Variants in HS6ST3 observed in about 807,000 individuals in gnomAD.
HS6ST3 encodes heparan sulfate 6-O-sulfotransferase 3, also known as heparan-sulfate 6-O-sulfotransferase 3.
In HS6ST3, 12 loss-of-function variants were observed where a neutral mutation model predicts 36.7. The ratio of observed to expected loss-of-function variants is 0.33; its 90% CI spans 0.21 to 0.53. HS6ST3 has a LOEUF of 0.53. Ranked by LOEUF, HS6ST3 falls within the 20% of genes least tolerant of loss-of-function variation. HS6ST3 has a pLI of 0.95. For missense variants in HS6ST3, 584 were observed against 640.9 expected, an observed-to-expected ratio of 0.91 and a Z score of 0.96; for synonymous variants, 240 against 257.5, an observed-to-expected ratio of 0.93 and a Z score of 0.65.
chr13:96,198,177 G>A (rs1342377902), intron 1 of HS6ST3, among the ~76,000 whole-genome samples: 1 of 152,206 alleles, frequency 6.6e-6, no homozygotes, highest in Non-Finnish European at 1.5e-5. Flanking sequence ...TTTCAGCATG[G>A]CTGGAACGGC....
chr13:96,604,752 A>C (rs2056432723), intron 1 of HS6ST3, among the ~76,000 whole-genome samples: 1 of 152,214 alleles, frequency 6.6e-6, no homozygotes, highest in South Asian at 2.1e-4. Context: ...CATTTAAATA[A>C]AAATTTCATT....
chr13:96,776,136 A>G (rs1168224629), intron 1 of HS6ST3, among the ~76,000 whole-genome samples: 1 of 152,218 alleles, frequency 6.6e-6, no homozygotes, highest in Non-Finnish European at 1.5e-5. Flanking sequence ...AGTTCTTTGA[A>G]ACCAACGAGA....
intron 1 of HS6ST3, among the ~76,000 whole-genome samples, chr13:96,229,943 A>G (rs781305857): frequency 3.3e-5 from 5 of 152,218 alleles, no homozygotes; most frequent in Non-Finnish European, 4.4e-5. Context: ...TCAAAAGACA[A>G]GTAAGAAGTA....
At chr13:96,276,969 G>T (rs1490932697) in intron 1 of HS6ST3, among the ~76,000 whole-genome samples, 2 of 152,236 alleles carry the variant, frequency 1.3e-5, no homozygotes, top group African/African-American at 2.4e-5. Context: ...GCTCTTGTTG[G>T]ATAAATACTG....
intron 1 of HS6ST3, among the ~76,000 whole-genome samples, chr13:96,635,761 C>T (rs767747568): frequency 6.6e-6 from 1 of 152,260 alleles, no homozygotes; most frequent in Non-Finnish European, 1.5e-5. Context: ...TGCTAGACCC[C>T]TTGCTACATG....
rs1491169616 is a variant in HS6ST3, at chr13:96,600,359, CAT to C, written c.708-232117_708-232116del. On this transcript the variant is annotated intron_variant, in intron 1 of 1. Coordinates refer to ENST00000376705, the MANE Select transcript of HS6ST3 (RefSeq NM_153456.4). ...ACACACACACACACACACACACACA[CAT>C]ATATATATATATAGGATTGCTATAT... 5.7e-3 allele frequency among the ~76,000 whole-genome samples: 690 copies of C among 120,286 alleles called. 4 individuals carry two copies. Among genetic ancestry groups the C allele is most frequent in the African/African-American group, 0.012 (422 of 34,532 alleles). The allele number at this position is 120,286 out of a possible 152,430, so 78.9% of individuals were successfully genotyped here.
At chr13:96,200,246 A>G (rs574685342) in intron 1 of HS6ST3, among the ~76,000 whole-genome samples, 329 of 152,314 alleles carry the variant, frequency 2.2e-3, no homozygotes, top group Non-Finnish European at 3.9e-3. Context: ...CACTCACAGT[A>G]AAATCTCATA....
chr13:96,514,678 A>G (rs562493104), intron 1 of HS6ST3, among the ~76,000 whole-genome samples: 126 of 152,180 alleles, frequency 8.3e-4, no homozygotes, highest in Non-Finnish European at 1.1e-3. Flanking sequence ...TGGACTTCCA[A>G]CCTCCAGAAC....
chr13:96,689,803 C>CAAGAAAGAGAATTTT (rs71117607), intron 1 of HS6ST3, among the ~76,000 whole-genome samples: 2 of 151,646 alleles, frequency 1.3e-5, no homozygotes, highest in African/African-American at 4.8e-5. Flanking sequence ...GGATGTTTGT[C>CAAGAAAGAGAATTTT]AACTTCGGAG....
intron 1 of HS6ST3, among the ~76,000 whole-genome samples, chr13:96,271,823 C>T (rs1318535100): frequency 6.6e-6 from 1 of 151,930 alleles, no homozygotes; most frequent in Non-Finnish European, 1.5e-5. Flanking sequence ...CACATGGACA[C>T]CTCTCATTGG....
chr13:96,511,507 C>T (rs896109060), intron 1 of HS6ST3, among the ~76,000 whole-genome samples: 21 of 151,820 alleles, frequency 1.4e-4, no homozygotes, highest in Non-Finnish European at 8.8e-5. Context: ...TGAATTTGAG[C>T]TTGCTAGCTT....
intron 1 of HS6ST3, among the ~76,000 whole-genome samples, chr13:96,337,021 T>G (rs2055105011): frequency 6.6e-6 from 1 of 152,210 alleles, no homozygotes; most frequent in Non-Finnish European, 1.5e-5. Flanking sequence ...ACATCTCTTT[T>G]CAACATTTAA....
intron 1 of HS6ST3, among the ~76,000 whole-genome samples, chr13:96,486,569 G>A (rs181525988): frequency 6.6e-6 from 1 of 152,324 alleles, no homozygotes; most frequent in East Asian, 1.9e-4. Context: ...TAACTGGTGT[G>A]AGATGGAATC....
At chr13:96,188,853 T>G (rs1185413179) in intron 1 of HS6ST3, among the ~76,000 whole-genome samples, 1 of 152,136 alleles carries the variant, frequency 6.6e-6, no homozygotes, top group Non-Finnish European at 1.5e-5. Context: ...TGAATATGAG[T>G]ATCTAGGTTA....
At chr13:96,514,002 C>T (rs1029292166) in intron 1 of HS6ST3, among the ~76,000 whole-genome samples, 4 of 151,944 alleles carry the variant, frequency 2.6e-5, no homozygotes, top group Non-Finnish European at 5.9e-5. Context: ...TTAGGAGATA[C>T]GCAGTGAGAG....
chr13:96,494,455 A>C (rs549569864), intron 1 of HS6ST3, among the ~76,000 whole-genome samples: 9 of 151,352 alleles, frequency 5.9e-5, no homozygotes, highest in Non-Finnish European at 1.0e-4. Flanking sequence ...TGACGAGTTA[A>C]TGGGTGCAGC....
intron 1 of HS6ST3, among the ~76,000 whole-genome samples, chr13:96,307,970 C>G (rs890626868): frequency 6.6e-6 from 1 of 151,766 alleles, no homozygotes. Context: ...AAATGAAGAA[C>G]TAATTTATTT....
intron 1 of HS6ST3, among the ~76,000 whole-genome samples, chr13:96,435,838 A>C (rs1196423191): frequency 1.3e-5 from 2 of 152,184 alleles, no homozygotes; most frequent in Non-Finnish European, 2.9e-5. Flanking sequence ...AAGAATCACA[A>C]ATTCTTTGTA....
At chr13:96,792,164 T>A (rs1418762462) in intron 1 of HS6ST3, among the ~76,000 whole-genome samples, 1 of 152,040 alleles carries the variant, frequency 6.6e-6, no homozygotes, top group Non-Finnish European at 1.5e-5. Flanking sequence ...GACAAGGAGA[T>A]TGTTTTCTGA....
Sources: allele counts gnomAD v4.1 joint callset (sites outside exome capture counted in the v4.1 genomes callset), GRCh38; gene constraint gnomAD v4.1.1; transcripts MANE v1.5; gene names NCBI Gene and HGNC (gene_info 2026-07-23, HGNC 2026-07-21).